DYDC2: variants seen among roughly 807,000 people sequenced by gnomAD.
The protein encoded by DYDC2 is DPY30 domain containing 2, also known as DPY30 domain-containing protein 2.
A neutral mutation model predicts 18.7 loss-of-function variants in DYDC2; 19 were observed. The ratio of observed to expected loss-of-function variants is 1.02; its 90% CI spans 0.71 to 1.49. DYDC2 has a LOEUF of 1.49. Ranked by LOEUF, DYDC2 falls within the 40% of genes most tolerant of loss-of-function variation. The pLI is 0.00. For missense variants in DYDC2, 179 were observed against 205.1 expected, an observed-to-expected ratio of 0.87 and a Z score of 0.78; for synonymous variants, 63 against 67.6, an observed-to-expected ratio of 0.93 and a Z score of 0.34.
chr10:80,363,894 A>T (rs574097225), intron 4 of DYDC2, among the ~76,000 whole-genome samples: 31 of 152,350 alleles, frequency 2.0e-4, no homozygotes, highest in Non-Finnish European at 4.4e-4. Context: ...TTAAGCTGGA[A>T]TAGCCGAAGA....
In DYDC2 at chr10:80,367,018, G is replaced by T. The variant is rs1224158160; in HGVS notation, c.*67G>T. The T allele has an allele frequency of 3.4e-5, 52 of 1,539,888 alleles. 1 individual carries two copies. In the East Asian group the frequency reaches 9.9e-4, roughly 29 times the overall value. ...TAGAAGCCAAGAAAATGGCCAGCTA[G>T]AACCAAGATTTAAGGGGCTGTAAAA... On this transcript the variant is annotated 3_prime_UTR_variant, in exon 5 of 5. Transcript: ENST00000256039.
rs1289445107 is a variant in DYDC2, at chr10:80,367,340, A to G, written c.*389A>G. 6.0e-6 allele frequency: 1 copy of G among 165,794 alleles called. No homozygotes were observed. Among genetic ancestry groups the G allele is most frequent in the Non-Finnish European group, 1.3e-5 (1 of 77,098 alleles). The allele number at this position is 165,794 out of a possible 1,614,324, so 10.3% of individuals were successfully genotyped here. On this transcript the variant is annotated 3_prime_UTR_variant, in exon 5 of 5. Transcript: ENST00000256039. ...GTGGGACCAGGGGGCCAATGCTAGTATGGAGGCTGTGAAGTCCCCAAGCTC... is the reference window on the plus strand; with the variant it reads ...GTGGGACCAGGGGGCCAATGCTAGTGTGGAGGCTGTGAAGTCCCCAAGCTC...
chr10:80,352,115 A>G (rs1405159321), upstream of DYDC2: 2 of 927,774 alleles, frequency 2.2e-6, no homozygotes, highest in Non-Finnish European at 3.3e-6. Flanking sequence ...AGCAAATTAT[A>G]GCCCATCCCT....
At chr10:80,354,193 A>G (rs1269877854), upstream of DYDC2, among the ~76,000 whole-genome samples, 2 of 151,202 alleles carry the variant, frequency 1.3e-5, no homozygotes, top group Non-Finnish European at 2.9e-5. Flanking sequence ...AAACAAATGT[A>G]TAATGAATAT....
intron 1 of DYDC2, 84 bp downstream of exon 1, chr10:80,356,909 G>C (rs1374861883): frequency 1.0e-6 from 1 of 954,942 alleles, no homozygotes; most frequent in African/African-American, 1.8e-5. Flanking sequence ...GCAGGCGGCA[G>C]AGTAGAGGGG....
chr10:80,346,309 C>T (rs1371616865), intron 1 of DYDC2, among the ~76,000 whole-genome samples: 2 of 152,134 alleles, frequency 1.3e-5, no homozygotes, highest in African/African-American at 4.8e-5. Flanking sequence ...ATTACTGGGT[C>T]ATATGGTAGC....
intron 1 of DYDC2, among the ~76,000 whole-genome samples, chr10:80,351,733 G>C (rs1842991938): frequency 6.6e-6 from 1 of 152,230 alleles, no homozygotes; most frequent in South Asian, 2.1e-4. Context: ...GAAAACTCAT[G>C]GCTGCTGCTT....
chr10:80,356,929 AG>A, intron 1 of DYDC2, 104 bp downstream of exon 1: 1 of 869,042 alleles, frequency 1.2e-6, no homozygotes, highest in Non-Finnish European at 1.4e-6. Flanking sequence ...GGCGCGGCAG[AG>A]TAGAGGGGGC....
upstream of DYDC2, chr10:80,356,576 A>C (rs1843381194): frequency 1.0e-6 from 1 of 985,390 alleles, no homozygotes; most frequent in Non-Finnish European, 1.2e-6. Context: ...CCAGGCGCGA[A>C]GCGGCCTCTC....
chr10:80,363,684 A>G (rs1843737864), intron 4 of DYDC2, among the ~76,000 whole-genome samples: 1 of 152,164 alleles, frequency 6.6e-6, no homozygotes, highest in East Asian at 1.9e-4. Flanking sequence ...TTCACTTGGA[A>G]CAAATATTTT....
chr10:80,356,731 C>T (rs1025625784), upstream of DYDC2: 8 of 985,198 alleles, frequency 8.1e-6, no homozygotes, highest in East Asian at 3.4e-4. Context: ...CGCGCCTGCT[C>T]GCCACCCAGG....
At chr10:80,348,082 A>C (rs548324243) in intron 1 of DYDC2, among the ~76,000 whole-genome samples, 1 of 152,344 alleles carries the variant, frequency 6.6e-6, no homozygotes, top group Admixed American at 6.5e-5. Flanking sequence ...CTTCTGATAT[A>C]TGAACACAAG....
chr10:80,352,457 G>T, upstream of DYDC2: 1 of 1,596,908 alleles, frequency 6.3e-7, no homozygotes, highest in South Asian at 1.2e-5. Context: ...CTACTTACCA[G>T]TTGTTCCATG....
chr10:80,358,635 GTTC>G (rs1843545908), intron 2 of DYDC2, among the ~76,000 whole-genome samples: 1 of 152,188 alleles, frequency 6.6e-6, no homozygotes, highest in Admixed American at 6.5e-5. Context: ...GGGAAGGACA[GTTC>G]TACAGTGATC....
At chr10:80,358,117 C>G in intron 2 of DYDC2, 72 bp downstream of exon 2, 1 of 958,954 alleles carries the variant, frequency 1.0e-6, no homozygotes, top group Non-Finnish European at 1.2e-6. Flanking sequence ...TGGCTCACCG[C>G]CTGTAATCCT....
At position 80,362,500 on chromosome 10, in the gene DYDC2, A is replaced by C. The variant is rs765596703; in HGVS notation, c.57A>C (p.Ala19=). ...GAAATTGCCTGGCCCAGGCACTGGCAGAGGTGGCGAAGGTTCGGCCCAGTG... is the reference window on the plus strand; with the variant it reads ...GAAATTGCCTGGCCCAGGCACTGGCCGAGGTGGCGAAGGTTCGGCCCAGTG... ...CFGNCLAQAL[A]EVAKVRPSDP... The change falls in exon 3 of 5, where the codon GCA becomes GCC. Residue 19 remains alanine (A), a synonymous_variant. Coordinates refer to ENST00000256039, the MANE Select transcript of DYDC2 (RefSeq NM_032372.6). 3 of 1,614,176 alleles carry C rather than the reference A, an allele frequency of 1.9e-6. No homozygotes were observed. Among genetic ancestry groups the C allele is most frequent in the Non-Finnish European group, 2.5e-6 (3 of 1,180,006 alleles).
At position 80,357,890 on chromosome 10, in the gene DYDC2, C is replaced by G. The variant is rs1214622552; in HGVS notation, c.-162-3C>G. On this transcript the variant is annotated splice_polypyrimidine_tract_variant and splice_region_variant and intron_variant, in intron 1 of 4. Transcript: ENST00000256039. ...CAATGAATAAGTCAAGAAATATTTACAGAGCTCCCAGTGTGCCAAGCGTGG... is the reference window on the plus strand; with the variant it reads ...CAATGAATAAGTCAAGAAATATTTAGAGAGCTCCCAGTGTGCCAAGCGTGG... 2 of 985,284 alleles carry G rather than the reference C, an allele frequency of 2.0e-6. No homozygotes were observed. Among genetic ancestry groups the G allele is most frequent in the Non-Finnish European group, 1.2e-6 (1 of 829,926 alleles). The allele number at this position is 985,284 out of a possible 1,614,324, so 61.0% of individuals were successfully genotyped here.
intron 4 of DYDC2, among the ~76,000 whole-genome samples, chr10:80,364,743 C>T (rs1036824743): frequency 3.3e-5 from 5 of 152,108 alleles, no homozygotes; most frequent in African/African-American, 1.2e-4. Context: ...GAAAAGAGTT[C>T]ATGTGTAGGT....
chr10:80,350,551 A>T (rs557745081), intron 1 of DYDC2, among the ~76,000 whole-genome samples: 4 of 152,174 alleles, frequency 2.6e-5, no homozygotes, highest in Non-Finnish European at 5.9e-5. Context: ...GAAAATGAAG[A>T]CTCAGAAGGA....
Sources: gnomAD v4.1 joint callset for allele counts (sites outside exome capture counted in the v4.1 genomes callset) on GRCh38, gnomAD v4.1.1 for gene constraint, MANE v1.5 for transcripts, NCBI Gene and HGNC (gene_info 2026-07-23, HGNC 2026-07-21) for gene names.